The following ADK variants were observed in gnomAD, a reference collection of about 807,000 sequenced individuals.
The protein encoded by ADK is adenosine kinase, also known as N6,N6-dimethyladenosine kinase.
Under a neutral mutation model 44.7 loss-of-function variants are expected in ADK, and 24 were observed. That is an observed-to-expected ratio of 0.54 (90% CI 0.39 to 0.76). The LOEUF (loss-of-function observed/expected upper bound fraction) is 0.76. Ranked by LOEUF, ADK falls within the 30% of genes least tolerant of loss-of-function variation. ADK has a pLI of 0.00. For synonymous variants in ADK, 128 were observed against 142.6 expected, an observed-to-expected ratio of 0.90 and a Z score of 0.73; for missense variants, 321 against 425.1, an observed-to-expected ratio of 0.76 and a Z score of 2.15.
chr10:74,709,182 G>C lies in ADK; in HGVS notation c.*737G>C, dbSNP rs905508430. ...GAAGAAAGATCATTATTTAATACTG[G>C]GCCCTGAAATGACACCCAATTTGTT... On this transcript the variant is annotated 3_prime_UTR_variant, in exon 11 of 11. Transcript: ENST00000539909. The C allele has an allele frequency of 6.6e-6, 1 of 152,000 alleles. No homozygotes were observed. Among genetic ancestry groups the C allele is most frequent in the Non-Finnish European group, 1.5e-5 (1 of 68,026 alleles). 9.4% of individuals were successfully genotyped at this position (152,000 alleles called of 1,614,324 possible).
chr10:74,530,180 C>A (rs1166986971), intron 7 of ADK, among the ~76,000 whole-genome samples: 1 of 152,040 alleles, frequency 6.6e-6, no homozygotes, highest in African/African-American at 2.4e-5. Context: ...CCTTTAATCT[C>A]ATCATCCATT....
chr10:74,603,936 AC>A (rs1852229857), intron 9 of ADK, among the ~76,000 whole-genome samples: 1 of 152,092 alleles, frequency 6.6e-6, no homozygotes, highest in Non-Finnish European at 1.5e-5. Flanking sequence ...TTTAATGATC[AC>A]CATTCTAACT....
At chr10:74,406,559 GAAGAAGAA>G (rs1564703618) in intron 6 of ADK, among the ~76,000 whole-genome samples, 2 of 148,574 alleles carry the variant, frequency 1.3e-5, no homozygotes, top group Non-Finnish European at 3.0e-5. Context: ...AGAAGAAGAA[GAAGAAGAA>G]GCCACTTGTA....
chr10:74,397,548 A>T (rs951808471), intron 5 of ADK, among the ~76,000 whole-genome samples: 16 of 151,906 alleles, frequency 1.1e-4, no homozygotes, highest in East Asian at 1.9e-4. Flanking sequence ...TTATTTATTT[A>T]TTTTTTAGAG....
chr10:74,153,746 T>A (rs768597748), intron 1 of ADK, among the ~76,000 whole-genome samples: 16 of 152,184 alleles, frequency 1.1e-4, no homozygotes, highest in Non-Finnish European at 2.4e-4. Flanking sequence ...ATGAAGGTGT[T>A]CCATGATGAT....
chr10:74,454,993 T>C (rs1197237306), intron 6 of ADK, among the ~76,000 whole-genome samples: 2 of 152,284 alleles, frequency 1.3e-5, no homozygotes, highest in African/African-American at 4.8e-5. Context: ...CAGGGGACAG[T>C]CAGAGAGACC....
intron 3 of ADK, among the ~76,000 whole-genome samples, chr10:74,282,933 A>G (rs2132450327): frequency 6.6e-6 from 1 of 152,318 alleles, no homozygotes; most frequent in African/African-American, 2.4e-5. Flanking sequence ...AAAAAATACC[A>G]TGAGAGTAGT....
rs753375980 is a variant in ADK, at chr10:74,160,725, G to GTGTGTGTGTA, written c.65+9387_65+9388insGTGTATGTGT. Among the ~76,000 whole-genome samples the GTGTGTGTGTA allele has an allele frequency of 6.2e-3, 937 of 150,914 alleles. 4 individuals are homozygous for GTGTGTGTGTA. Among genetic ancestry groups the GTGTGTGTGTA allele is most frequent in the African/African-American group, 0.015 (618 of 40,862 alleles). On this transcript the variant is annotated intron_variant, in intron 1 of 10. Coordinates refer to ENST00000539909, the MANE Select transcript of ADK (RefSeq NM_006721.4). Reference sequence around the variant, plus strand: ...TGTGTGTGTGTGTGTGTGTATGTGTGTGTGTAGGTAGTACTAGGTATATGG... The same window carrying GTGTGTGTGTA: ...TGTGTGTGTGTGTGTGTGTATGTGTGTGTGTGTGTATGTGTAGGTAGTACTAGGTATATGG...
At chr10:74,244,216 A>G (rs1845330828) in intron 3 of ADK, among the ~76,000 whole-genome samples, 1 of 152,244 alleles carries the variant, frequency 6.6e-6, no homozygotes, top group African/African-American at 2.4e-5. Flanking sequence ...CAGTTTTTTC[A>G]AAGAAGTATT....
chr10:74,535,580 A>ATT (rs748264198), intron 7 of ADK, among the ~76,000 whole-genome samples: 3,034 of 129,478 alleles, frequency 0.023, 127 homozygotes, highest in African/African-American at 0.072. Flanking sequence ...TTTTGACCCT[A>ATT]TTTTTTTTTT....
At chr10:74,394,381 AATGTG>A in intron 5 of ADK, 68 bp downstream of exon 5, 1 of 1,494,342 alleles carries the variant, frequency 6.7e-7, no homozygotes, top group Non-Finnish European at 9.3e-7. Context: ...TATGAATTCC[AATGTG>A]AATTTGGAAT....
At chr10:74,180,797 C>T (rs1450984454) in intron 1 of ADK, among the ~76,000 whole-genome samples, 1 of 152,172 alleles carries the variant, frequency 6.6e-6, no homozygotes, top group East Asian at 1.9e-4. Flanking sequence ...GTGATCCCCC[C>T]ACTTCGGCCT....
intron 9 of ADK, among the ~76,000 whole-genome samples, chr10:74,663,157 C>G (rs957645813): frequency 1.3e-5 from 2 of 151,418 alleles, no homozygotes; most frequent in Non-Finnish European, 2.9e-5. Flanking sequence ...ATAGCCTGAA[C>G]CCAGGAGGTG....
intron 3 of ADK, among the ~76,000 whole-genome samples, chr10:74,308,722 A>G (rs1840336395): frequency 6.6e-6 from 1 of 152,202 alleles, no homozygotes; most frequent in Non-Finnish European, 1.5e-5. Flanking sequence ...CACATGTCCT[A>G]TTCTTCATAC....
At chr10:74,212,902 A>C (rs944874969) in intron 2 of ADK, among the ~76,000 whole-genome samples, 1 of 151,734 alleles carries the variant, frequency 6.6e-6, no homozygotes, top group African/African-American at 2.4e-5. Context: ...GGGTAAAAGG[A>C]GTTAGAGATA....
chr10:74,646,340 G>A (rs1394647431), intron 9 of ADK, among the ~76,000 whole-genome samples: 1 of 152,158 alleles, frequency 6.6e-6, no homozygotes, highest in East Asian at 1.9e-4. Flanking sequence ...GAAAGATGAG[G>A]GGAAGCCACT....
At chr10:74,201,688 C>G (rs148281599) in intron 2 of ADK, among the ~76,000 whole-genome samples, 8,901 of 98,046 alleles carry the variant, frequency 0.091, 607 homozygotes, top group African/African-American at 0.24. Context: ...ATCTATCTAT[C>G]TATCTATCTA....
intron 1 of ADK, among the ~76,000 whole-genome samples, chr10:74,166,391 G>C (rs183675594): frequency 6.6e-6 from 1 of 152,178 alleles, no homozygotes. Context: ...AACAATCTTA[G>C]CTCACTGTAA....
intron 1 of ADK, among the ~76,000 whole-genome samples, chr10:74,193,356 C>T (rs533041560): frequency 6.6e-6 from 1 of 152,140 alleles, no homozygotes; most frequent in African/African-American, 2.4e-5. Flanking sequence ...CCCATTAACT[C>T]GTCATTTAAC....
Sources: gnomAD v4.1 joint callset for allele counts (sites outside exome capture counted in the v4.1 genomes callset) on GRCh38, gnomAD v4.1.1 for gene constraint, MANE v1.5 for transcripts, NCBI Gene and HGNC (gene_info 2026-07-23, HGNC 2026-07-21) for gene names.